The following STIP1 variants were observed in gnomAD, a reference collection of about 807,000 sequenced individuals.
STIP1 encodes the protein stress induced phosphoprotein 1.
In STIP1, 16 loss-of-function variants were observed where a neutral mutation model predicts 77.4. That is an observed-to-expected ratio of 0.21 (90% CI 0.14 to 0.31). The LOEUF is 0.31. Ranked by LOEUF, STIP1 falls within the 10% of genes least tolerant of loss-of-function variation. The pLI is 1.00. For synonymous variants in STIP1, 258 were observed against 246.6 expected (o/e 1.05, Z -0.44); for missense variants, 524 against 684.8 (o/e 0.77, Z 2.62).
At chr11:64,199,567 T>C (rs1340488244) in intron 8 of STIP1, among the ~76,000 whole-genome samples, 1 of 121,294 alleles carries the variant, frequency 8.2e-6, no homozygotes, top group Non-Finnish European at 1.7e-5. Context: ...CCTAATCTGA[T>C]TTTTTTTTTT....
At position 64,200,151 on chromosome 11, in the gene STIP1, T is replaced by G; in HGVS notation, c.1121-18T>G. 4 of 1,610,008 alleles carry G rather than the reference T, an allele frequency of 2.5e-6. No homozygotes were observed. The highest frequency in any genetic ancestry group is 3.4e-6 in the Non-Finnish European group (4 of 1,177,984). On this transcript the variant is annotated intron_variant, in intron 9 of 13. Transcript: ENST00000305218. Reference sequence around the variant, plus strand: ...GCTTTTTGCTTTTTAAAAGACAGTCTTTGTTTTTCTTCCCCAGGGGACTAT... The same window carrying G: ...GCTTTTTGCTTTTTAAAAGACAGTCGTTGTTTTTCTTCCCCAGGGGACTAT...
intron 10 of STIP1, among the ~76,000 whole-genome samples, chr11:64,201,540 CTG>C (rs1946219973): frequency 6.6e-6 from 1 of 152,132 alleles, no homozygotes; most frequent in African/African-American, 2.4e-5. Context: ...TTTTTTTTGA[CTG>C]TTCTCTAGCT....
chr11:64,193,547 G>C, intron 2 of STIP1: 1 of 454,080 alleles, frequency 2.2e-6, no homozygotes, highest in Non-Finnish European at 4.1e-6. Context: ...ACTTTGGGAG[G>C]CTGAGGTGGG....
At chr11:64,189,246 G>A (rs3888316) in intron 1 of STIP1, among the ~76,000 whole-genome samples, 44,952 of 151,988 alleles carry the variant, frequency 0.3, 7,218 homozygotes, top group Admixed American at 0.38. Context: ...CTGTAGTCCC[G>A]GCTACTTGGG....
intron 12 of STIP1, 29 bp downstream of exon 12, chr11:64,203,257 C>A (rs1414884643): frequency 1.9e-6 from 3 of 1,610,260 alleles, no homozygotes; most frequent in African/African-American, 2.7e-5. Flanking sequence ...TCCAGGGGCC[C>A]CCCCTGCCTC....
intron 1 of STIP1, chr11:64,186,487 T>G (rs1388550491): frequency 2.3e-6 from 1 of 431,788 alleles, no homozygotes; most frequent in Non-Finnish European, 3.6e-6. Flanking sequence ...GCCCCCTGGT[T>G]GGGCGAGGAG....
Position 64,204,508 on chromosome 11 carries a change from T to G in STIP1, c.*382T>G, listed in dbSNP as rs781580442. On this transcript the variant is annotated 3_prime_UTR_variant, in exon 14 of 14. Coordinates refer to ENST00000305218, the MANE Select transcript of STIP1 (RefSeq NM_006819.3). The stretch of plus-strand genomic sequence containing the variant: ...CTCACGTTGTTTATTCTGCGTCCCC[T>G]TCTCCAATAAAACAAGCCAGTTGGG... 4.2e-6 allele frequency: 1 copy of G among 240,100 alleles called. No individual in the cohort carries two copies. Among genetic ancestry groups the G allele is most frequent in the Non-Finnish European group, 8.0e-6 (1 of 124,552 alleles). 14.9% of individuals were successfully genotyped at this position (240,100 alleles called of 1,614,324 possible).
chr11:64,199,802 A>T (rs1946195583), intron 8 of STIP1, 138 bp from the exon 9 acceptor site: 2 of 801,348 alleles, frequency 2.5e-6, no homozygotes, highest in African/African-American at 1.8e-5. Context: ...TGACCTCGTG[A>T]TCCACCCGCC....
At position 64,199,952 on chromosome 11, in the gene STIP1, C is replaced by G. The variant is rs772854367; in HGVS notation, c.1036C>G (p.Leu346Val). 3.7e-6 allele frequency: 6 copies of G among 1,614,062 alleles called. No homozygotes were observed. The highest frequency in any genetic ancestry group is 5.1e-6 in the Non-Finnish European group (6 of 1,180,012). ...TTATGTTTTGTAGGCAGAGAAAATC[C>G]TGAAGGAGCAAGAGCGGCTGGCCTA... ...LKKCQQAEKI[L>V]KEQERLAYIN... The change falls in exon 9 of 14, where the codon CTG becomes GTG. Residue 346 changes from leucine to valine, a missense_variant. Coordinates refer to ENST00000305218, the MANE Select transcript of STIP1 (RefSeq NM_006819.3).
At chr11:64,194,082 G>C in intron 2 of STIP1, 107 bp from the exon 3 acceptor site, 1 of 1,461,344 alleles carries the variant, frequency 6.8e-7, no homozygotes, top group Non-Finnish European at 9.2e-7. Flanking sequence ...GCCTTCATGT[G>C]AATACTCATT....
intron 4 of STIP1, 53 bp from the exon 5 acceptor site, chr11:64,195,592 A>G: frequency 6.7e-7 from 1 of 1,498,014 alleles, no homozygotes; most frequent in Non-Finnish European, 8.9e-7. Context: ...TAAAAGACTA[A>G]TTGTGGGGAG....
chr11:64,204,222 A>ATG lies in STIP1; in HGVS notation c.*96_*97insTG. On this transcript the variant is annotated 3_prime_UTR_variant, in exon 14 of 14. Transcript: ENST00000305218. ...GAGCGGAAGGGAGAGCAGGGGAGAG[A>ATG]AGGCCTCATCTCTCTATATTTATAC... The ATG allele has an allele frequency of 1.6e-6, 2 of 1,251,706 alleles. No individual in the cohort carries two copies. Among genetic ancestry groups the ATG allele is most frequent in the Non-Finnish European group, 2.3e-6 (2 of 871,336 alleles). 77.5% of individuals were successfully genotyped at this position (1,251,706 alleles called of 1,614,324 possible).
At chr11:64,196,502 T>A (rs1042686546) in intron 5 of STIP1, among the ~76,000 whole-genome samples, 1 of 151,930 alleles carries the variant, frequency 6.6e-6, no homozygotes, top group African/African-American at 2.4e-5. Flanking sequence ...GCGGCTTCAT[T>A]GCTGCCAGTG....
chr11:64,201,659 G>A (rs1258966113), intron 10 of STIP1, among the ~76,000 whole-genome samples: 1 of 152,166 alleles, frequency 6.6e-6, no homozygotes, highest in Non-Finnish European at 1.5e-5. Flanking sequence ...TGTCTTCTGG[G>A]TCTGTGTCTT....
intron 13 of STIP1, 48 bp from the exon 14 acceptor site, chr11:64,204,006 A>C: frequency 6.2e-7 from 1 of 1,601,400 alleles, no homozygotes; most frequent in South Asian, 1.1e-5. Context: ...AGAGCAAGTA[A>C]GACTTTAAAG....
chr11:64,185,741 G>A, upstream of STIP1: 1 of 1,495,228 alleles, frequency 6.7e-7, no homozygotes, highest in South Asian at 1.2e-5. Context: ...CCTTTTGAAG[G>A]GCAGCGATTT....
intron 4 of STIP1, 129 bp downstream of exon 4, chr11:64,194,749 A>C: frequency 8.5e-7 from 1 of 1,174,348 alleles, no homozygotes; most frequent in South Asian, 1.6e-5. Flanking sequence ...TCTGCAGAGC[A>C]GTAGGTGGTG....
intron 1 of STIP1, among the ~76,000 whole-genome samples, chr11:64,190,743 G>A (rs1386727692): frequency 1.3e-5 from 2 of 152,182 alleles, no homozygotes; most frequent in South Asian, 4.1e-4. Context: ...TGGTGTGGTG[G>A]TTCACCTTTG....
At chr11:64,189,269 G>C (rs1387744235) in intron 1 of STIP1, among the ~76,000 whole-genome samples, 1 of 152,184 alleles carries the variant, frequency 6.6e-6, no homozygotes, top group Non-Finnish European at 1.5e-5. Context: ...GCTGAGGCAG[G>C]AGAATCGCTT....
Sources: allele counts gnomAD v4.1 joint callset (sites outside exome capture counted in the v4.1 genomes callset), GRCh38; gene constraint gnomAD v4.1.1; transcripts MANE v1.5; gene names NCBI Gene and HGNC (gene_info 2026-07-23, HGNC 2026-07-21).